Variants in LINGO2 observed in about 807,000 individuals in gnomAD.
LINGO2 encodes leucine-rich repeat and immunoglobulin-like domain-containing nogo receptor-interacting protein 2.
A neutral mutation model predicts 30.6 loss-of-function variants in LINGO2; 14 were observed. That is an observed-to-expected ratio of 0.46 (90% CI 0.30 to 0.72). LINGO2 has a LOEUF of 0.72. LINGO2 is among the 30% of genes least tolerant of loss of function. The pLI, the probability that LINGO2 is intolerant of heterozygous loss-of-function variation, is 0.07. For synonymous variants in LINGO2, 317 were observed against 288.5 expected (o/e 1.10, Z -1.00); for missense variants, 729 against 751.7 (o/e 0.97, Z 0.35).
At chr9:28,028,635 C>G (rs1823506289) in intron 4 of LINGO2, among the ~76,000 whole-genome samples, 1 of 152,132 alleles carries the variant, frequency 6.6e-6, no homozygotes, top group Non-Finnish European at 1.5e-5. Context: ...TAAAAAATGG[C>G]ATAGTATTTG....
chr9:28,516,096 A>G (rs965915487), intron 1 of LINGO2, among the ~76,000 whole-genome samples: 1 of 152,322 alleles, frequency 6.6e-6, no homozygotes, highest in Non-Finnish European at 1.5e-5. Flanking sequence ...TATGGTATAT[A>G]CATTTTTAAG....
At chr9:29,201,080 T>C in the LINGO2 span, among the ~76,000 whole-genome samples, 1 of 152,188 alleles carries the variant, frequency 6.6e-6, no homozygotes, top group Non-Finnish European at 1.5e-5. Flanking sequence ...TTCTGCATTG[T>C]AACATTACTT....
intron 4 of LINGO2, among the ~76,000 whole-genome samples, chr9:28,196,289 A>T (rs1365170438): frequency 6.6e-6 from 1 of 151,722 alleles, no homozygotes; most frequent in Admixed American, 6.6e-5. Context: ...TTAAAATTTT[A>T]AAAATCTGAA....
At chr9:28,909,639 C>A in the LINGO2 span, among the ~76,000 whole-genome samples, 1 of 152,010 alleles carries the variant, frequency 6.6e-6, no homozygotes, top group South Asian at 2.1e-4. Flanking sequence ...AAACATATTG[C>A]ATCTGCTGAA....
chr9:29,204,169 T>C, the LINGO2 span, among the ~76,000 whole-genome samples: 34 of 152,250 alleles, frequency 2.2e-4, no homozygotes, highest in African/African-American at 8.2e-4. Flanking sequence ...ACTCCTTCAG[T>C]TTACCAGATA....
chr9:28,887,933 A>G, the LINGO2 span, among the ~76,000 whole-genome samples: 5 of 152,282 alleles, frequency 3.3e-5, no homozygotes, highest in Non-Finnish European at 7.4e-5. Flanking sequence ...TAGAAAAAAG[A>G]CAGGTCAAAA....
At chr9:28,600,069 A>G (rs1825397739) in intron 1 of LINGO2, among the ~76,000 whole-genome samples, 1 of 152,176 alleles carries the variant, frequency 6.6e-6, no homozygotes, top group South Asian at 2.1e-4. Context: ...ATTCTACTAT[A>G]AAGAGCTACC....
the LINGO2 span, among the ~76,000 whole-genome samples, chr9:28,764,429 A>G: frequency 6.6e-6 from 1 of 151,970 alleles, no homozygotes; most frequent in Admixed American, 6.6e-5. Context: ...TAATTGCAGA[A>G]AAAAACATTT....
the LINGO2 span, among the ~76,000 whole-genome samples, chr9:28,719,043 A>G: frequency 6.6e-6 from 1 of 151,810 alleles, no homozygotes; most frequent in Non-Finnish European, 1.5e-5. Context: ...ACAGCAAACA[A>G]CTTGAAACCA....
intron 5 of LINGO2, among the ~76,000 whole-genome samples, chr9:28,002,075 A>G (rs1008564332): frequency 6.6e-6 from 1 of 152,218 alleles, no homozygotes; most frequent in Non-Finnish European, 1.5e-5. Flanking sequence ...CAGCACTCAG[A>G]TAGGCTAAAC....
rs142987051 is a variant in LINGO2 at position 28,528,633 on chromosome 9, T to C, written c.-364-52608A>G. ...GCATTAAAGGGAGGTACATGAGTTG[T>C]ACTACATAATTGTCTTTGAATTGTA... On this transcript the variant is annotated intron_variant, in intron 1 of 5. Coordinates refer to ENST00000379992, the Ensembl canonical transcript of LINGO2. Among the ~76,000 whole-genome samples the C allele has an allele frequency of 2.1e-4, 32 of 152,266 alleles. 1 individual carries two copies. In the East Asian group the frequency reaches 5.2e-3, roughly 25 times the overall value.
At chr9:29,024,073 C>T in the LINGO2 span, among the ~76,000 whole-genome samples, 1 of 152,084 alleles carries the variant, frequency 6.6e-6, no homozygotes, top group Non-Finnish European at 1.5e-5. Flanking sequence ...GCCACTGGAA[C>T]AAAAGCCTCT....
chr9:29,033,989 G>T, the LINGO2 span, among the ~76,000 whole-genome samples: 1 of 151,924 alleles, frequency 6.6e-6, no homozygotes, highest in African/African-American at 2.4e-5. Context: ...GGCTGAAAGA[G>T]GAGAATCACT....
chr9:28,883,216 A>G, the LINGO2 span, among the ~76,000 whole-genome samples: 1 of 151,946 alleles, frequency 6.6e-6, no homozygotes, highest in African/African-American at 2.4e-5. Flanking sequence ...TTATTTAGAG[A>G]CGGAGTCTTG....
chr9:28,138,961 G>C (rs764533956), intron 4 of LINGO2, among the ~76,000 whole-genome samples: 4 of 152,170 alleles, frequency 2.6e-5, no homozygotes, highest in Non-Finnish European at 4.4e-5. Flanking sequence ...TCTCGCTAAT[G>C]GTCAGTTTCA....
intron 4 of LINGO2, among the ~76,000 whole-genome samples, chr9:28,257,704 C>G (rs1210586173): frequency 2.6e-5 from 4 of 151,902 alleles, no homozygotes; most frequent in Admixed American, 6.6e-5. Flanking sequence ...GCCTTTCTAT[C>G]TTATCCTAGA....
At chr9:28,392,152 G>A (rs1332468048) in intron 2 of LINGO2, among the ~76,000 whole-genome samples, 1 of 152,198 alleles carries the variant, frequency 6.6e-6, no homozygotes, top group East Asian at 1.9e-4. Context: ...GCAGTGAGCC[G>A]AGATTGTGCC....
At chr9:28,757,187 T>C in the LINGO2 span, among the ~76,000 whole-genome samples, 1 of 152,072 alleles carries the variant, frequency 6.6e-6, no homozygotes, top group Non-Finnish European at 1.5e-5. Flanking sequence ...ACTTAAATCA[T>C]GGTTCCTTCT....
At chr9:28,359,590 C>G (rs912875382) in intron 3 of LINGO2, among the ~76,000 whole-genome samples, 4 of 152,082 alleles carry the variant, frequency 2.6e-5, no homozygotes, top group African/African-American at 4.8e-5. Context: ...ATTTGGGTGA[C>G]AGAATGCAAA....
Sources: gnomAD v4.1 joint callset for allele counts (sites outside exome capture counted in the v4.1 genomes callset) on GRCh38, gnomAD v4.1.1 for gene constraint, MANE v1.5 for transcripts, NCBI Gene and HGNC (gene_info 2026-07-23, HGNC 2026-07-21) for gene names.